The following ZDHHC14 variants were observed in gnomAD, a reference collection of about 807,000 sequenced individuals.
The protein encoded by ZDHHC14 is zDHHC palmitoyltransferase 14, also known as palmitoyltransferase ZDHHC14.
In ZDHHC14, 16 loss-of-function variants were observed where a neutral mutation model predicts 47.7. The ratio of observed to expected loss-of-function variants is 0.34; its 90% confidence interval spans 0.23 to 0.51. The LOEUF is 0.51. ZDHHC14 is among the 20% of genes least tolerant of loss of function. The pLI, the probability that ZDHHC14 is intolerant of heterozygous loss-of-function variation, is 0.97. For synonymous variants in ZDHHC14, 293 were observed against 278.9 expected, an observed-to-expected ratio of 1.05 and a Z score of -0.50; for missense variants, 515 against 662.5, an observed-to-expected ratio of 0.78 and a Z score of 2.44.
intron 1 of ZDHHC14, among the ~76,000 whole-genome samples, chr6:157,391,972 C>T (rs1475424491): frequency 6.6e-6 from 1 of 152,188 alleles, no homozygotes; most frequent in Admixed American, 6.5e-5. Context: ...GTTTATTCGT[C>T]TCTTTTTAAT....
At chr6:157,649,659 A>G (rs1777727771) in intron 7 of ZDHHC14, among the ~76,000 whole-genome samples, 1 of 152,230 alleles carries the variant, frequency 6.6e-6, no homozygotes, top group African/African-American at 2.4e-5. Context: ...CATGCAAATA[A>G]GGCAGAGAGA....
At chr6:157,545,121 TC>T (rs1366727614) in intron 2 of ZDHHC14, among the ~76,000 whole-genome samples, 2 of 152,244 alleles carry the variant, frequency 1.3e-5, no homozygotes, top group African/African-American at 4.8e-5. Flanking sequence ...ACTGTGTGAT[TC>T]CATTTGTATA....
At chr6:157,665,039 G>A (rs1778493806) in intron 8 of ZDHHC14, among the ~76,000 whole-genome samples, 1 of 152,146 alleles carries the variant, frequency 6.6e-6, no homozygotes, top group African/African-American at 2.4e-5. Context: ...CAATGGTTGG[G>A]GAACTTTCCC....
At chr6:157,449,404 CATAAA>C (rs1308902470) in intron 1 of ZDHHC14, among the ~76,000 whole-genome samples, 2 of 152,202 alleles carry the variant, frequency 1.3e-5, no homozygotes, top group African/African-American at 2.4e-5. Flanking sequence ...GCATAATTTA[CATAAA>C]ATAAAATTCA....
chr6:157,458,813 A>C (rs536670956), intron 1 of ZDHHC14, among the ~76,000 whole-genome samples: 80 of 150,786 alleles, frequency 5.3e-4, no homozygotes, highest in Non-Finnish European at 9.0e-4. Flanking sequence ...CAATAACCAA[A>C]AGATGTAAAA....
At chr6:157,522,410 A>T (rs1332086308) in intron 1 of ZDHHC14, among the ~76,000 whole-genome samples, 1 of 152,206 alleles carries the variant, frequency 6.6e-6, no homozygotes, top group Non-Finnish European at 1.5e-5. Flanking sequence ...ACAGTCCTGG[A>T]TTGGACAGTG....
At chr6:157,654,600 A>T (rs1455190867) in intron 8 of ZDHHC14, among the ~76,000 whole-genome samples, 1 of 152,076 alleles carries the variant, frequency 6.6e-6, no homozygotes, top group African/African-American at 2.4e-5. Context: ...GCCTCAAGAC[A>T]GTCCTGAGGC....
intron 2 of ZDHHC14, among the ~76,000 whole-genome samples, chr6:157,581,575 A>G (rs897934950): frequency 2.6e-5 from 4 of 152,140 alleles, no homozygotes; most frequent in African/African-American, 9.7e-5. Flanking sequence ...GGTCTCTAAC[A>G]GCTTGCTTTA....
At chr6:157,533,861 C>T (rs1017034259) in intron 1 of ZDHHC14, among the ~76,000 whole-genome samples, 1 of 152,180 alleles carries the variant, frequency 6.6e-6, no homozygotes, top group Admixed American at 6.5e-5. Context: ...AGTTCACTTG[C>T]ATTTTTTAAA....
chr6:157,572,314 G>A (rs965268340), intron 2 of ZDHHC14, among the ~76,000 whole-genome samples: 1 of 152,062 alleles, frequency 6.6e-6, no homozygotes, highest in Non-Finnish European at 1.5e-5. Context: ...TTTCCCCCGG[G>A]AGGCAAATCG....
At chr6:157,601,876 C>T (rs147746658) in intron 3 of ZDHHC14, among the ~76,000 whole-genome samples, 4,214 of 152,234 alleles carry the variant, frequency 0.028, 201 homozygotes, top group African/African-American at 0.097. Context: ...TGGTAGGCAG[C>T]GTCTTCATTC....
At chr6:157,402,829 C>A (rs1341310583) in intron 1 of ZDHHC14, among the ~76,000 whole-genome samples, 1 of 152,126 alleles carries the variant, frequency 6.6e-6, no homozygotes, top group Non-Finnish European at 1.5e-5. Flanking sequence ...TGGGTTCAAG[C>A]AATTCTCCTG....
rs546418441 is a variant in ZDHHC14 at position 157,463,159 on chromosome 6, T to C, written c.246-79426T>C. Among the ~76,000 whole-genome samples, 5 of 152,296 alleles carry C rather than the reference T, an allele frequency of 3.3e-5. No homozygotes were observed. Among genetic ancestry groups the C allele is most frequent in the Non-Finnish European group, 7.4e-5 (5 of 68,020 alleles). On this transcript the variant is annotated intron_variant, in intron 1 of 8. Coordinates refer to ENST00000359775, the MANE Select transcript of ZDHHC14 (RefSeq NM_024630.3). This position sits in a 1 kb window ranked among gnomAD's most constrained non-coding sequence, Gnocchi z 4.4. ...GGCAGCTGGAAATGAGATCCTTCCA[T>C]GGGAAATGCTTAGTTTGGAAAATGA...
chr6:157,545,029 G>A (rs1781917060), intron 2 of ZDHHC14, among the ~76,000 whole-genome samples: 1 of 152,158 alleles, frequency 6.6e-6, no homozygotes, highest in Admixed American at 6.5e-5. Context: ...CAATAAAAGG[G>A]AAGAAAAGTA....
At chr6:157,386,261 C>G (rs1777309189) in intron 1 of ZDHHC14, among the ~76,000 whole-genome samples, 1 of 152,124 alleles carries the variant, frequency 6.6e-6, no homozygotes, top group African/African-American at 2.4e-5. Flanking sequence ...AATCCTAGCA[C>G]TTTGGGAGGC....
intron 1 of ZDHHC14, among the ~76,000 whole-genome samples, chr6:157,528,509 A>C (rs1031722454): frequency 3.9e-5 from 6 of 152,044 alleles, no homozygotes; most frequent in Non-Finnish European, 8.8e-5. Context: ...AGGCGGGCAG[A>C]TCACGAGGTC....
At chr6:157,435,511 A>G (rs985462282) in intron 1 of ZDHHC14, among the ~76,000 whole-genome samples, 3 of 151,562 alleles carry the variant, frequency 2.0e-5, no homozygotes, top group Admixed American at 1.3e-4. Context: ...TAAGGTGGGC[A>G]CCCTCCTTTC....
In ZDHHC14 at chr6:157,653,595, A is replaced by G. The variant is rs368543815; in HGVS notation, c.1036A>G (p.Met346Val). 11 of 1,613,768 alleles carry G rather than the reference A, an allele frequency of 6.8e-6. No individual in the cohort carries two copies. Among genetic ancestry groups the G allele is most frequent in the Non-Finnish European group, 8.5e-6 (10 of 1,179,978 alleles). ...AGCAGCACCCTCCAATGGCATCACC[A>G]TGTACGGGGCCACGCAGTCACAGAG... Reference protein sequence around the residue: ...QPAAPSNGITMYGATQSQSDM... With the variant: ...QPAAPSNGITVYGATQSQSDM... Residue 346 changes from methionine to valine, a missense_variant, in exon 8 of 9, where the codon ATG becomes GTG. Around this residue, in one of 4 missense-constraint regions of ZDHHC14, gnomAD observed 221 missense variants for 233.6 expected, o/e 0.95. Coordinates refer to ENST00000359775, the MANE Select transcript of ZDHHC14 (RefSeq NM_024630.3).
At chr6:157,518,872 A>T (rs972193540) in intron 1 of ZDHHC14, among the ~76,000 whole-genome samples, 15 of 152,320 alleles carry the variant, frequency 9.8e-5, no homozygotes, top group Admixed American at 6.5e-4. Flanking sequence ...TCACAGTCAC[A>T]TGTGGCTTGA....
Sources: allele counts gnomAD v4.1 joint callset (sites outside exome capture counted in the v4.1 genomes callset), GRCh38; gene constraint gnomAD v4.1.1; regional missense constraint gnomAD v4.1.1; non-coding constraint Gnocchi (gnomAD v3.1); transcripts MANE v1.5; gene names NCBI Gene and HGNC (gene_info 2026-07-23, HGNC 2026-07-21).